Variants in LRP1B observed in about 807,000 individuals in gnomAD.
LRP1B encodes the protein LDL receptor related protein 1B.
LRP1B carries 217 observed loss-of-function variants against 556.6 expected under a neutral mutation model. That is an observed-to-expected ratio of 0.39 (90% confidence interval 0.35 to 0.44). The LOEUF (loss-of-function observed/expected upper bound fraction) is 0.44, where lower values mean the gene tolerates loss of function less well. Among genes scored for constraint, LRP1B ranks in the 20% least tolerant of loss-of-function variants. The pLI, the probability that LRP1B is intolerant of heterozygous loss-of-function variation, is 1.00. For synonymous variants in LRP1B, 2,047 were observed against 1,865.8 expected (o/e 1.10, Z -2.50); for missense variants, 5,053 against 5,620.8 (o/e 0.90, Z 3.23).
rs539599267 is a variant in LRP1B, at chr2:141,898,190, C to T, written c.83-87789G>A. On this transcript the variant is annotated intron_variant, in intron 1 of 90. Transcript: ENST00000389484. ...TGGCTTTTGTCTGGTTCAAACAAAA[C>T]CTTGATATGCTGTCTCTGTCCTCCA... is the stretch of plus-strand genomic sequence containing the variant. 4.6e-5 allele frequency among the ~76,000 whole-genome samples: 7 copies of T among 152,202 alleles called. No homozygotes were observed. The East Asian group carries it at 1.4e-3, about 30-fold the overall frequency.
At chr2:141,116,721 C>A (rs901858820) in intron 7 of LRP1B, among the ~76,000 whole-genome samples, 1 of 98,178 alleles carries the variant, frequency 1.0e-5, no homozygotes, top group Non-Finnish European at 2.4e-5. Context: ...AGGAACAGAT[C>A]TGAATGATTT....
chr2:141,123,652 C>G (rs191434035), intron 7 of LRP1B, among the ~76,000 whole-genome samples: 97 of 152,192 alleles, frequency 6.4e-4, no homozygotes, highest in African/African-American at 2.1e-3. Context: ...AATAACATAA[C>G]TTAAAACTAC....
chr2:141,271,256 A>C (rs1225500754), intron 3 of LRP1B, among the ~76,000 whole-genome samples: 1 of 151,804 alleles, frequency 6.6e-6, no homozygotes, highest in South Asian at 2.1e-4. Flanking sequence ...TAAATGTGGG[A>C]CATCAGTAAG....
intron 34 of LRP1B, among the ~76,000 whole-genome samples, chr2:140,770,073 T>C (rs75602875): frequency 0.047 from 7,083 of 151,882 alleles, 186 homozygotes; most frequent in Non-Finnish European, 0.049. Flanking sequence ...ATTAAATCTG[T>C]TTCCACTATT....
At chr2:140,714,037 T>A (rs1177020315) in intron 37 of LRP1B, among the ~76,000 whole-genome samples, 1 of 152,182 alleles carries the variant, frequency 6.6e-6, no homozygotes, top group Non-Finnish European at 1.5e-5. Context: ...TAGTCTTTTA[T>A]TGTGCCTGAA....
At chr2:141,545,100 C>T (rs1410797945) in intron 2 of LRP1B, among the ~76,000 whole-genome samples, 2 of 152,136 alleles carry the variant, frequency 1.3e-5, no homozygotes, top group African/African-American at 4.8e-5. Flanking sequence ...AATAACTTGT[C>T]CAGATTCACA....
chr2:141,424,049 T>C (rs903795786), intron 3 of LRP1B, among the ~76,000 whole-genome samples: 15 of 151,690 alleles, frequency 9.9e-5, no homozygotes, highest in Admixed American at 8.5e-4. Context: ...ACAATTTCTG[T>C]CCAATGGATT....
chr2:141,408,276 G>A (rs905762530), intron 3 of LRP1B, among the ~76,000 whole-genome samples: 2 of 151,332 alleles, frequency 1.3e-5, no homozygotes, highest in Non-Finnish European at 2.9e-5. Context: ...CCAAGTAGCT[G>A]GGGCTACAGG....
chr2:141,202,654 T>C (rs2105229519), intron 6 of LRP1B, among the ~76,000 whole-genome samples: 1 of 152,340 alleles, frequency 6.6e-6, no homozygotes, highest in East Asian at 1.9e-4. Flanking sequence ...TTGATTTGCA[T>C]TTCTCTGGTG....
At chr2:141,616,376 A>G (rs1688303122) in intron 2 of LRP1B, among the ~76,000 whole-genome samples, 2 of 152,130 alleles carry the variant, frequency 1.3e-5, no homozygotes, top group Non-Finnish European at 2.9e-5. Flanking sequence ...AACAATAATC[A>G]TATTGACTCT....
chr2:141,675,271 T>G (rs1050018346), intron 2 of LRP1B, among the ~76,000 whole-genome samples: 5 of 152,002 alleles, frequency 3.3e-5, no homozygotes, highest in South Asian at 2.1e-4. Flanking sequence ...AAATCACATC[T>G]TTAAACTTTT....
chr2:140,444,243 TA>T, intron 65 of LRP1B, 86 bp downstream of exon 65: 4 of 1,388,870 alleles, frequency 2.9e-6, no homozygotes, highest in Non-Finnish European at 4.0e-6. Context: ...ATCTACATCA[TA>T]TGAATTTATG....
intron 41 of LRP1B, among the ~76,000 whole-genome samples, chr2:140,649,701 A>G (rs537135434): frequency 6.6e-6 from 1 of 152,240 alleles, no homozygotes; most frequent in African/African-American, 2.4e-5. Context: ...TCAGAATCAC[A>G]TTGGTTCCTC....
intron 60 of LRP1B, among the ~76,000 whole-genome samples, chr2:140,466,074 T>A (rs946461796): frequency 6.6e-6 from 1 of 151,070 alleles, no homozygotes; most frequent in African/African-American, 2.4e-5. Context: ...TATAAAATAG[T>A]GCAGGTCGGG....
intron 1 of LRP1B, among the ~76,000 whole-genome samples, chr2:141,873,720 G>C (rs538067219): frequency 6.6e-6 from 1 of 151,544 alleles, no homozygotes; most frequent in South Asian, 2.1e-4. Context: ...AGTAGAAAAA[G>C]TACAAACTGA....
intron 1 of LRP1B, among the ~76,000 whole-genome samples, chr2:141,911,719 A>G (rs1406445715): frequency 6.6e-6 from 1 of 152,106 alleles, no homozygotes; most frequent in Non-Finnish European, 1.5e-5. Flanking sequence ...ACATAAGTAC[A>G]CTTTCTGTTG....
intron 85 of LRP1B, 38 bp from the exon 86 acceptor site, chr2:140,270,384 A>C: frequency 8.0e-7 from 1 of 1,247,546 alleles, no homozygotes; most frequent in Non-Finnish European, 1.2e-6. Context: ...TTTCATTGTT[A>C]TTGGCAACAT....
chr2:141,843,416 C>T (rs1697543645), intron 1 of LRP1B, among the ~76,000 whole-genome samples: 1 of 152,072 alleles, frequency 6.6e-6, no homozygotes, highest in Non-Finnish European at 1.5e-5. Flanking sequence ...TTTAACCAGA[C>T]TGTACACAAG....
chr2:141,618,626 T>C (rs146371293), intron 2 of LRP1B, among the ~76,000 whole-genome samples: 434 of 152,288 alleles, frequency 2.8e-3, no homozygotes, highest in African/African-American at 1.0e-2. Context: ...AGAAAGTAAG[T>C]CAGGATGCCA....
Sources: allele counts gnomAD v4.1 joint callset (sites outside exome capture counted in the v4.1 genomes callset), GRCh38; gene constraint gnomAD v4.1.1; transcripts MANE v1.5; gene names NCBI Gene and HGNC (gene_info 2026-07-23, HGNC 2026-07-21).